Variants in SAFB2 observed in about 807,000 individuals in gnomAD.
SAFB2 encodes the protein scaffold attachment factor B2.
Under a neutral mutation model 100.6 loss-of-function variants are expected in SAFB2, and 32 were observed. That is an observed-to-expected ratio of 0.32 (90% CI 0.24 to 0.43). The LOEUF (loss-of-function observed/expected upper bound fraction) is 0.43, where lower values mean the gene tolerates loss of function less well. SAFB2 is among the 20% of genes least tolerant of loss of function. The pLI is 1.00. For synonymous variants in SAFB2, 500 were observed against 439.4 expected (o/e 1.14, Z -1.72); for missense variants, 1,185 against 1,163.4 (o/e 1.02, Z -0.27).
rs781129651 is a variant in SAFB2, at chr19:5,587,912, G to A, written c.2594C>T (p.Ala865Val). ...CCGGCTAGCCGCGCCTGCGTCCATGGCACCCTGCCAGGCGCGTGCCTGGTG... is the reference window on the plus strand; with the variant it reads ...CCGGCTAGCCGCGCCTGCGTCCATGACACCCTGCCAGGCGCGTGCCTGGTG... ...EEHQARAWQGAMDAGAASREH... is the reference protein window; with the variant it reads ...EEHQARAWQGVMDAGAASREH... The change falls in exon 19 of 21, where the codon GCC becomes GTC. Residue 865 changes from alanine to valine, a missense_variant. Ala to Val is a moderately conservative substitution (Grantham distance 64). Around this residue, in one of 3 missense-constraint regions of SAFB2, gnomAD observed 740 missense variants for 687.1 expected, o/e 1.08. Coordinates refer to ENST00000252542, the MANE Select transcript of SAFB2 (RefSeq NM_014649.3). This position sits in a 1 kb window ranked among gnomAD's most constrained non-coding sequence, Gnocchi z 4.9. 1.6e-5 allele frequency: 25 copies of A among 1,612,690 alleles called. No individual in the cohort carries two copies. The highest frequency in any genetic ancestry group is 2.0e-5 in the Non-Finnish European group (24 of 1,179,806).
intron 2 of SAFB2, 94 bp from the exon 3 acceptor site, chr19:5,616,580 A>G (rs2053036520): frequency 7.7e-6 from 8 of 1,040,708 alleles, no homozygotes; most frequent in Non-Finnish European, 9.0e-6. Context: ...AACAGAACAC[A>G]TTACAAGATA....
chr19:5,593,192 A>C (rs1462845645), intron 15 of SAFB2, among the ~76,000 whole-genome samples: 1 of 152,192 alleles, frequency 6.6e-6, no homozygotes, highest in African/African-American at 2.4e-5. Flanking sequence ...ACTGAAAAGA[A>C]ATATTTGATT....
intron 2 of SAFB2, among the ~76,000 whole-genome samples, chr19:5,619,135 C>T (rs1428353487): frequency 6.6e-6 from 1 of 152,184 alleles, no homozygotes; most frequent in Non-Finnish European, 1.5e-5. Context: ...CCTGATCTAA[C>T]AGTTGTATGT....
Position 5,622,575 on chromosome 19 carries a change from C to T in SAFB2, c.141G>A (p.Leu47=), listed in dbSNP as rs1018847613. ...GGACGCTCTTGTTGCCGCCCGTGTC[C>T]AGGTTCCGCTTCTTCAGCTCCGCCC... ...DLRAELKKRN[L]DTGGNKSVLM... The change falls in exon 1 of 21, where the codon CTG becomes CTA. Residue 47 remains leucine (L), a synonymous_variant. Transcript: ENST00000252542. The T allele has an allele frequency of 1.2e-6, 2 of 1,613,420 alleles. No individual in the cohort carries two copies. Among genetic ancestry groups the T allele is most frequent in the African/African-American group, 2.7e-5 (2 of 74,918 alleles).
intron 13 of SAFB2, among the ~76,000 whole-genome samples, chr19:5,596,722 C>T (rs1285670988): frequency 6.6e-6 from 1 of 152,116 alleles, no homozygotes; most frequent in East Asian, 1.9e-4. Context: ...CTCCAGGGCC[C>T]CTCACCCAAA....
chr19:5,601,743 T>TA lies in SAFB2; in HGVS notation c.1560-1484dup, dbSNP rs1375756164. 4.6e-5 allele frequency among the ~76,000 whole-genome samples: 7 copies of TA among 151,600 alleles called. No homozygotes were observed. In the South Asian group the frequency reaches 1.2e-3, roughly 27 times the overall value. The stretch of plus-strand genomic sequence containing the variant: ...ATAAATAAATAAATAAATAAATAAA[T>TA]AAGAAGGACCTTTAGATCCTGAGAC... On this transcript the variant is annotated intron_variant, in intron 11 of 20. Transcript: ENST00000252542.
chr19:5,594,694 G>C (rs1037254203), intron 14 of SAFB2, among the ~76,000 whole-genome samples: 17 of 152,162 alleles, frequency 1.1e-4, no homozygotes, highest in African/African-American at 4.1e-4. Flanking sequence ...CACGGGCCAA[G>C]GTCCAACATC....
intron 18 of SAFB2, among the ~76,000 whole-genome samples, chr19:5,588,281 G>A (rs1232100679): frequency 6.6e-6 from 1 of 152,032 alleles, no homozygotes; most frequent in Admixed American, 6.6e-5. Context: ...GCGAGGAAAG[G>A]GAAGAACCCT....
At position 5,587,956 on chromosome 19, in the gene SAFB2, G is replaced by A. The variant is rs2052299252; in HGVS notation, c.2550C>T (p.His850=). 23 of 1,612,924 alleles carry A rather than the reference G, an allele frequency of 1.4e-5. No homozygotes were observed. Among genetic ancestry groups the A allele is most frequent in the Non-Finnish European group, 1.7e-5 (20 of 1,179,870 alleles). ...PPRGGRDWGE[H]NQRLEEHQAR... ...CCTGGTGCTCCTCTAGCCGCTGGTTGTGCTCTCCCCAGTCACGGCCACCCC... is the reference window on the plus strand; with the variant it reads ...CCTGGTGCTCCTCTAGCCGCTGGTTATGCTCTCCCCAGTCACGGCCACCCC... Residue 850 remains histidine, a synonymous_variant, in exon 19 of 21, where the codon CAC becomes CAT. Coordinates refer to ENST00000252542, the MANE Select transcript of SAFB2 (RefSeq NM_014649.3). The surrounding 1 kb of genome is among the most constrained non-coding windows in gnomAD (Gnocchi z 4.9).
chr19:5,594,209 C>T (rs2145321385), intron 14 of SAFB2, 31 bp from the exon 15 acceptor site: 1 of 1,536,724 alleles, frequency 6.5e-7, no homozygotes, highest in Non-Finnish European at 8.7e-7. Context: ...GCCCTGAACT[C>T]CCTGCGTGAG....
rs1019734024 is a variant in SAFB2 at position 5,594,144 on chromosome 19, C to T, written c.1954G>A (p.Glu652Lys). The T allele has an allele frequency of 1.9e-6, 3 of 1,600,560 alleles. No homozygotes were observed. The highest frequency in any genetic ancestry group is 2.2e-5 in the East Asian group (1 of 44,772). Residue 652 changes from glutamate (E) to lysine (K), a missense_variant, in exon 15 of 21, where the codon GAG (glutamate) becomes AAG (lysine). By Grantham distance (56) the Glu-to-Lys change is moderately conservative (BLOSUM62 1). Coordinates refer to ENST00000252542, the MANE Select transcript of SAFB2 (RefSeq NM_014649.3). Reference sequence around the variant, plus strand: ...TTCTCCTTCCGCTCATGGAAGGCCTCGAGGCGTTGCTCCCGCTCCCGCTGC... The same window carrying T: ...TTCTCCTTCCGCTCATGGAAGGCCTTGAGGCGTTGCTCCCGCTCCCGCTGC... The part of the protein sequence containing the change: ...REQREREQRL[E>K]AFHERKEKAR...
Position 5,590,344 on chromosome 19 carries a change from T to C in SAFB2, c.2459A>G (p.Asp820Gly). Residue 820 changes from aspartate to glycine, a missense_variant, in exon 18 of 21, where the codon GAT becomes GGT. Asp to Gly is a moderately conservative substitution (Grantham distance 94, BLOSUM62 -1). Transcript: ENST00000252542. ...GTCGGAGCCGTAGCCCCCCCAGCCA[T>C]CACGGGAGTCCCGGCCGTGGCGCTC... ...PPERHGRDSR[D>G]GWGGYGSDKR... The C allele has an allele frequency of 1.2e-6, 2 of 1,610,888 alleles. No homozygotes were observed. Among genetic ancestry groups the C allele is most frequent in the South Asian group, 2.2e-5 (2 of 90,200 alleles).
At chr19:5,610,868 G>T in intron 7 of SAFB2, 180 bp from the exon 8 acceptor site, 1 of 766,692 alleles carries the variant, frequency 1.3e-6, no homozygotes, top group Non-Finnish European at 2.1e-6. Context: ...TGTCAGATTT[G>T]TAAAAGTCAA....
At chr19:5,589,233 C>T (rs1208997006) in intron 18 of SAFB2, among the ~76,000 whole-genome samples, 1 of 152,216 alleles carries the variant, frequency 6.6e-6, no homozygotes. Context: ...AGGTATTTAC[C>T]ATAACACCCA....
rs1437605396 is a variant in SAFB2, at chr19:5,594,139, G to A, written c.1959C>T (p.Ala653=). 6 of 1,601,162 alleles carry A rather than the reference G, an allele frequency of 3.7e-6. No homozygotes were observed. The highest frequency in any genetic ancestry group is 5.1e-6 in the Non-Finnish European group (6 of 1,178,536). Residue 653 remains alanine (A), a synonymous_variant, in exon 15 of 21, where the codon GCC becomes GCT. Transcript: ENST00000252542. ...GGGCCTTCTCCTTCCGCTCATGGAA[G>A]GCCTCGAGGCGTTGCTCCCGCTCCC... The part of the protein sequence containing the change: ...EQREREQRLE[A]FHERKEKARL...
intron 11 of SAFB2, 76 bp from the exon 12 acceptor site, chr19:5,600,336 C>A (rs762830930): frequency 7.7e-6 from 12 of 1,562,142 alleles, no homozygotes; most frequent in Non-Finnish European, 1.0e-5. Flanking sequence ...AGCCTCGACT[C>A]ACACATACTC....
chr19:5,593,082 G>C (rs139595172), intron 15 of SAFB2, among the ~76,000 whole-genome samples, 195 bp from the exon 16 acceptor site: 2 of 152,318 alleles, frequency 1.3e-5, no homozygotes, highest in East Asian at 3.9e-4. Flanking sequence ...TAACAGCCGA[G>C]AGGCACACTT....
chr19:5,612,390 T>C (rs1599269882), intron 6 of SAFB2, 150 bp downstream of exon 6: 1 of 730,398 alleles, frequency 1.4e-6, no homozygotes, highest in East Asian at 2.6e-5. Context: ...GTGATACGAA[T>C]GGGTTTCCAA....
intron 4 of SAFB2, among the ~76,000 whole-genome samples, chr19:5,613,966 CATTT>C (rs1302780658): frequency 5.9e-5 from 9 of 152,116 alleles, no homozygotes; most frequent in Non-Finnish European, 1.0e-4. Flanking sequence ...TTCACTCATT[CATTT>C]GAGACGGAGT....
Sources: allele counts gnomAD v4.1 joint callset (sites outside exome capture counted in the v4.1 genomes callset), GRCh38; gene constraint gnomAD v4.1.1; regional missense constraint gnomAD v4.1.1; non-coding constraint Gnocchi (gnomAD v3.1); transcripts MANE v1.5; gene names NCBI Gene and HGNC (gene_info 2026-07-23, HGNC 2026-07-21).